The following C5 variants were observed in gnomAD, a reference collection of about 807,000 sequenced individuals.
The protein encoded by C5 is complement C5.
C5 carries 140 observed loss-of-function variants against 218.8 expected under a neutral mutation model. That is an observed-to-expected ratio of 0.64 (90% CI 0.56 to 0.74). The LOEUF (loss-of-function observed/expected upper bound fraction) is 0.74, where lower values mean the gene tolerates loss of function less well. Ranked by LOEUF, C5 falls within the 30% of genes least tolerant of loss-of-function variation. The pLI, the probability that C5 is intolerant of heterozygous loss-of-function variation, is 0.00. For synonymous variants in C5, 614 were observed against 682.3 expected (o/e 0.90, Z 1.56); for missense variants, 1,700 against 1,969.6 (o/e 0.86, Z 2.59).
intron 14 of C5, among the ~76,000 whole-genome samples, 197 bp from the exon 15 acceptor site, chr9:121,016,580 A>C (rs1292452778): frequency 7.9e-5 from 12 of 152,246 alleles, no homozygotes; most frequent in Non-Finnish European, 1.5e-4. Flanking sequence ...ATAACTATTC[A>C]AAGTTAAATC....
intron 10 of C5, among the ~76,000 whole-genome samples, chr9:121,022,887 G>A (rs1277653013): frequency 6.6e-6 from 1 of 151,746 alleles, no homozygotes; most frequent in African/African-American, 2.4e-5. Context: ...ACGGAAAGAA[G>A]CAAAAATGAA....
chr9:121,004,769 T>C (rs768848074), intron 20 of C5, among the ~76,000 whole-genome samples: 1 of 151,406 alleles, frequency 6.6e-6, no homozygotes, highest in Admixed American at 6.6e-5. Flanking sequence ...CAAGACCCCA[T>C]CTTGAAAAAA....
chr9:121,073,678 T>C, the C5 span, among the ~76,000 whole-genome samples: 1 of 151,500 alleles, frequency 6.6e-6, no homozygotes, highest in East Asian at 1.9e-4. Flanking sequence ...CACGCCCGGG[T>C]AATTTTTGTA....
chr9:120,953,692 G>A (rs1481125563), intron 40 of C5, 38 bp downstream of exon 40: 14 of 1,605,092 alleles, frequency 8.7e-6, no homozygotes, highest in Non-Finnish European at 1.2e-5. Flanking sequence ...CTCAGTTTTG[G>A]AGGGAAGATC....
intron 28 of C5, 90 bp from the exon 29 acceptor site, chr9:120,976,995 T>G (rs1344732342): frequency 1.8e-6 from 2 of 1,115,180 alleles, no homozygotes; most frequent in Non-Finnish European, 2.7e-6. Flanking sequence ...CCTTCCAGTT[T>G]CTAGAAGCTA....
intron 25 of C5, among the ~76,000 whole-genome samples, chr9:120,987,552 C>A (rs1456727190): frequency 6.7e-6 from 1 of 149,428 alleles, no homozygotes; most frequent in African/African-American, 2.5e-5. Context: ...CCAGGAGAAT[C>A]GCTTGAACCC....
rs372693871 is a variant in C5 at position 120,996,311 on chromosome 9, G to C, written c.2791-11C>G. The C allele has an allele frequency of 1.2e-5, 19 of 1,608,860 alleles. No individual in the cohort carries two copies. The African/African-American group carries it at 2.5e-4, about 22-fold the overall frequency. ...TTTGACACCTTCTGGCTAAAATAAA[G>C]GCAGAAAACATTCAGTTAAAAACAT... On this transcript the variant is annotated splice_polypyrimidine_tract_variant and intron_variant, in intron 21 of 40. Coordinates refer to ENST00000223642, the MANE Select transcript of C5 (RefSeq NM_001735.3).
chr9:121,002,183 G>C (rs191850897), intron 20 of C5, among the ~76,000 whole-genome samples: 1 of 139,632 alleles, frequency 7.2e-6, no homozygotes, highest in Non-Finnish European at 1.5e-5. Flanking sequence ...TATATATGTA[G>C]ATATGTACAT....
In C5 at chr9:120,989,810, T is replaced by C. The variant is rs117287858; in HGVS notation, c.2942-30A>G. ...AACAAAAAAGATCAAAGTAGACACA[T>C]TGCTTTTTATTAACTTCTAACAGTA... On this transcript the variant is annotated intron_variant, in intron 23 of 40. Coordinates refer to ENST00000223642, the MANE Select transcript of C5 (RefSeq NM_001735.3). 367 of 1,528,994 alleles carry C rather than the reference T, an allele frequency of 2.4e-4. 2 individuals carry two copies. The East Asian group carries it at 7.4e-3, about 31-fold the overall frequency. 94.7% of individuals were successfully genotyped at this position (1,528,994 alleles called of 1,614,324 possible).
At chr9:121,002,290 G>GTATA (rs1246255640) in intron 20 of C5, among the ~76,000 whole-genome samples, 1 of 101,260 alleles carries the variant, frequency 9.9e-6, no homozygotes, top group African/African-American at 3.5e-5. Flanking sequence ...ACGTATATAT[G>GTATA]TATATATGTA....
rs369474103 is a variant in C5 at position 120,963,755 on chromosome 9, G to A, written c.4221-17C>T. ...GGCTTGTAGCTAAAATAAAAAAGAGGTTAGAAAATATAATAAATAAGTGAA... is the reference window on the plus strand; with the variant it reads ...GGCTTGTAGCTAAAATAAAAAAGAGATTAGAAAATATAATAAATAAGTGAA... On this transcript the variant is annotated splice_polypyrimidine_tract_variant and intron_variant, in intron 33 of 40. Transcript: ENST00000223642. 43 of 1,562,758 alleles carry A rather than the reference G, an allele frequency of 2.8e-5. No homozygotes were observed. The highest frequency in any genetic ancestry group is 1.7e-4 in the Middle Eastern group (1 of 6,002).
rs36185563 is a variant in C5 at position 120,959,232 on chromosome 9, A to ATTTCTTTCTTTCTTTC, written c.4678+1000_4678+1015dup. ...TTAATTTATAAATAACACCCTTCAAATTTCTTTCTTTCTTTCTTTCTTTCT... is the reference window on the plus strand; with the variant it reads ...TTAATTTATAAATAACACCCTTCAAATTTCTTTCTTTCTTTCTTTCTTTCTTTCTTTCTTTCTTTCT... On this transcript the variant is annotated intron_variant, in intron 38 of 40. Coordinates refer to ENST00000223642, the MANE Select transcript of C5 (RefSeq NM_001735.3). Among the ~76,000 whole-genome samples, 16 of 144,830 alleles carry ATTTCTTTCTTTCTTTC rather than the reference A, an allele frequency of 1.1e-4. No homozygotes were observed. In the East Asian group the frequency reaches 1.2e-3, roughly 11 times the overall value.
chr9:120,996,398 T>C (rs2047116977), intron 21 of C5, 98 bp from the exon 22 acceptor site: 5 of 1,084,126 alleles, frequency 4.6e-6, no homozygotes, highest in Admixed American at 3.5e-5. Context: ...AACTAAAAAA[T>C]TATTTTTCTT....
At chr9:120,968,707 G>C (rs1450549728) in intron 33 of C5, among the ~76,000 whole-genome samples, 3 of 152,122 alleles carry the variant, frequency 2.0e-5, no homozygotes, top group African/African-American at 7.2e-5. Flanking sequence ...AATGGATTTT[G>C]TTAGGTAAAT....
intron 3 of C5, 108 bp from the exon 4 acceptor site, chr9:121,038,059 T>A (rs1422738882): frequency 5.2e-6 from 3 of 572,606 alleles, no homozygotes; most frequent in Non-Finnish European, 6.3e-6. Context: ...AAAAACTCAA[T>A]ACACAAAAGT....
intron 21 of C5, among the ~76,000 whole-genome samples, chr9:120,996,998 G>A (rs1314037905): frequency 6.6e-6 from 1 of 151,914 alleles, no homozygotes; most frequent in Non-Finnish European, 1.5e-5. Flanking sequence ...AACAGACTGT[G>A]GGTAAATTGT....
chr9:121,019,166 A>G (rs529162942), intron 12 of C5, among the ~76,000 whole-genome samples: 1 of 152,314 alleles, frequency 6.6e-6, no homozygotes, highest in South Asian at 2.1e-4. Flanking sequence ...CGTGAAGCCA[A>G]AATGCCCTCA....
At chr9:120,959,232 A>ATTTCTTTCTTTCTTTCTTTC (rs36185563) in intron 38 of C5, among the ~76,000 whole-genome samples, 2 of 144,734 alleles carry the variant, frequency 1.4e-5, no homozygotes, top group South Asian at 4.4e-4. Flanking sequence ...CACCCTTCAA[A>ATTTCTTTCTTTCTTTCTTTC]TTTCTTTCTT....
chr9:120,990,559 T>G (rs953326331), intron 23 of C5, among the ~76,000 whole-genome samples: 1 of 152,032 alleles, frequency 6.6e-6, no homozygotes, highest in African/African-American at 2.4e-5. Flanking sequence ...ATAGACGAGG[T>G]AAGAGGAAGT....
Sources: allele counts gnomAD v4.1 joint callset (sites outside exome capture counted in the v4.1 genomes callset), GRCh38; gene constraint gnomAD v4.1.1; transcripts MANE v1.5; gene names NCBI Gene and HGNC (gene_info 2026-07-23, HGNC 2026-07-21).